DLGAP4: variants seen among roughly 807,000 people sequenced by gnomAD.
The protein encoded by DLGAP4 is DLG associated protein 4, also known as disks large-associated protein 4.
In DLGAP4, 18 loss-of-function variants were observed where a neutral mutation model predicts 86.9. The ratio of observed to expected loss-of-function variants is 0.21; its 90% CI spans 0.14 to 0.31. The LOEUF (loss-of-function observed/expected upper bound fraction) is 0.31. Ranked by LOEUF, DLGAP4 falls within the 10% of genes least tolerant of loss-of-function variation. The pLI, the probability that DLGAP4 is intolerant of heterozygous loss-of-function variation, is 1.00. For missense variants in DLGAP4, 1,085 were observed against 1,362.6 expected (o/e 0.80, Z 3.21); for synonymous variants, 548 against 574.3 (o/e 0.95, Z 0.65).
At chr20:36,311,231 G>T (rs2065050243) in intron 1 of DLGAP4, among the ~76,000 whole-genome samples, 1 of 145,218 alleles carries the variant, frequency 6.9e-6, no homozygotes, top group Non-Finnish European at 1.5e-5. Flanking sequence ...TCACTCGGAG[G>T]GTGGGGGGGG....
At chr20:36,497,410 G>C (rs1038512771) in intron 8 of DLGAP4, 109 of 1,143,428 alleles carry the variant, frequency 9.5e-5, no homozygotes, top group Middle Eastern at 7.7e-4. Context: ...GCTGACCCGT[G>C]GGAGGCGGGA....
At position 36,393,165 on chromosome 20, in the gene DLGAP4, G is replaced by A. The variant is rs1416946107; in HGVS notation, c.-73+25890G>A. On this transcript the variant is annotated intron_variant, in intron 2 of 12. Coordinates refer to ENST00000339266, the MANE Select transcript of DLGAP4 (RefSeq NM_001365621.2). The surrounding 1 kb of genome is among the most constrained non-coding windows in gnomAD (Gnocchi z 4.4). The stretch of plus-strand genomic sequence containing the variant: ...GAGACTAGGGTGGGACTGGAGAACT[G>A]GGAGTCATTAGGGCAGAAGGGGTGG... Among the ~76,000 whole-genome samples the A allele has an allele frequency of 6.6e-6, 1 of 152,020 alleles. No homozygotes were observed. The highest frequency in any genetic ancestry group is 2.4e-5 in the African/African-American group (1 of 41,384).
In DLGAP4 at chr20:36,442,723, G is replaced by A. The variant is rs377745326; in HGVS notation, c.1357-4G>A. On this transcript the variant is annotated splice_polypyrimidine_tract_variant and splice_region_variant and intron_variant, in intron 5 of 12. Transcript: ENST00000339266. ...CCATAACCCTCACCCTCTCTTTCCT[G>A]CAGATTTTTGGACAGGCCTCCCTGA... The A allele has an allele frequency of 4.3e-6, 7 of 1,614,098 alleles. No individual in the cohort carries two copies. The highest frequency in any genetic ancestry group is 1.6e-4 in the Middle Eastern group (1 of 6,062).
At chr20:36,399,786 C>T (rs983936105) in intron 2 of DLGAP4, among the ~76,000 whole-genome samples, 3 of 152,142 alleles carry the variant, frequency 2.0e-5, no homozygotes, top group East Asian at 1.9e-4. Context: ...GTGAGGTTTC[C>T]ATTAGTTATG....
intron 2 of DLGAP4, among the ~76,000 whole-genome samples, chr20:36,385,419 A>C (rs1241225389): frequency 6.6e-6 from 1 of 152,194 alleles, no homozygotes; most frequent in Non-Finnish European, 1.5e-5. Flanking sequence ...TAGTAGTAGA[A>C]ATAAGACCCA....
At chr20:36,340,440 G>T (rs1188427799) in intron 1 of DLGAP4, among the ~76,000 whole-genome samples, 1 of 152,062 alleles carries the variant, frequency 6.6e-6, no homozygotes, top group Non-Finnish European at 1.5e-5. Context: ...CACCCTCTCC[G>T]TGGCACATGT....
At chr20:36,524,448 G>C (rs2037577246) in intron 11 of DLGAP4, 107 bp downstream of exon 11, 2 of 908,996 alleles carry the variant, frequency 2.2e-6, no homozygotes, top group African/African-American at 1.7e-5. Flanking sequence ...AACACACACA[G>C]CGCGGCTTCC....
intron 2 of DLGAP4, among the ~76,000 whole-genome samples, chr20:36,416,646 A>C (rs2032662629): frequency 6.6e-6 from 1 of 152,070 alleles, no homozygotes; most frequent in African/African-American, 2.4e-5. Context: ...AGGAGGCCTT[A>C]CCCCCGACTT....
intron 2 of DLGAP4, among the ~76,000 whole-genome samples, chr20:36,379,186 A>G (rs62213227): frequency 3.0e-4 from 46 of 152,156 alleles, no homozygotes; most frequent in Admixed American, 7.2e-4. Context: ...CAAATGCTGG[A>G]TGGGTAAAGT....
At chr20:36,343,226 G>T (rs550189752) in intron 1 of DLGAP4, among the ~76,000 whole-genome samples, 1 of 152,322 alleles carries the variant, frequency 6.6e-6, no homozygotes. Flanking sequence ...GGGAGTCTGA[G>T]GAGACGGCTG....
rs2033362813 is a variant in DLGAP4 at position 36,438,791 on chromosome 20, C to T, written c.1242-963C>T. Among the ~76,000 whole-genome samples, 3 of 148,132 alleles carry T rather than the reference C, an allele frequency of 2.0e-5. No homozygotes were observed. In the South Asian group the frequency reaches 6.4e-4, roughly 32 times the overall value. Reference sequence around the variant, plus strand: ...TGGCACAAACTTGGTTCACTGTAACCTCCACCTCCCGGGTTCAAGCAATTC... The same window carrying T: ...TGGCACAAACTTGGTTCACTGTAACTTCCACCTCCCGGGTTCAAGCAATTC... On this transcript the variant is annotated intron_variant, in intron 4 of 12. Transcript: ENST00000339266.
chr20:36,493,375 T>G (rs1200372719), intron 7 of DLGAP4, among the ~76,000 whole-genome samples: 1 of 152,118 alleles, frequency 6.6e-6, no homozygotes, highest in Non-Finnish European at 1.5e-5. Flanking sequence ...CACCCATCCT[T>G]GAGGGAGAAG....
chr20:36,353,819 G>A (rs1555893635), intron 1 of DLGAP4, among the ~76,000 whole-genome samples: 1 of 152,272 alleles, frequency 6.6e-6, no homozygotes, highest in Non-Finnish European at 1.5e-5. Context: ...GGCCACACCT[G>A]CCAGGGGCTT....
intron 2 of DLGAP4, among the ~76,000 whole-genome samples, chr20:36,418,414 A>G (rs2032727573): frequency 6.6e-6 from 1 of 152,076 alleles, no homozygotes; most frequent in Middle Eastern, 3.2e-3. Flanking sequence ...TGCCTGGCCC[A>G]TTTGGGGTTT....
At position 36,497,312 on chromosome 20, in the gene DLGAP4, GT is replaced by G. The variant is rs2035930860; in HGVS notation, c.2010+247del. ...TCTGCTCCTCCAGTGGGTTGTCCCA[GT>G]GAATGTAGTTACACTCAGCCAGCCA... On this transcript the variant is annotated intron_variant, in intron 8 of 12. Transcript: ENST00000339266. The G allele has an allele frequency of 3.6e-6, 5 of 1,371,334 alleles. No individual in the cohort carries two copies. The South Asian group carries it at 8.3e-5, about 23-fold the overall frequency. 84.9% of individuals were successfully genotyped at this position (1,371,334 alleles called of 1,614,324 possible).
chr20:36,483,828 A>G (rs2147716722), intron 7 of DLGAP4, among the ~76,000 whole-genome samples: 1 of 152,382 alleles, frequency 6.6e-6, no homozygotes, highest in East Asian at 1.9e-4. Flanking sequence ...AGCGGTCACC[A>G]GGCCCCTGTC....
Position 36,508,504 on chromosome 20 carries a change from G to A in DLGAP4, c.2512+7893G>A, listed in dbSNP as rs187421647. On this transcript the variant is annotated intron_variant, in intron 10 of 12. Coordinates refer to ENST00000339266, the MANE Select transcript of DLGAP4 (RefSeq NM_001365621.2). ...TGCAATGGCGCGATCTCGGCTCACC[G>A]CAACCTCCACCTCCCGGGTTCAAGC... Among the ~76,000 whole-genome samples, 10 of 135,712 alleles carry A rather than the reference G, an allele frequency of 7.4e-5. No homozygotes were observed. The East Asian group carries it at 2.1e-3, about 29-fold the overall frequency. 89.0% of individuals were successfully genotyped at this position (135,712 alleles called of 152,430 possible). A position where few individuals can be genotyped will look rare whatever the true frequency, so the allele number is the denominator to read the frequency against.
chr20:36,508,942 C>T (rs1380788790), intron 10 of DLGAP4: 2 of 152,218 alleles, frequency 1.3e-5, no homozygotes, highest in African/African-American at 4.8e-5. Context: ...AGTATACTTA[C>T]TGATACTTGA....
At chr20:36,381,193 A>G (rs569738280) in intron 2 of DLGAP4, among the ~76,000 whole-genome samples, 2 of 152,190 alleles carry the variant, frequency 1.3e-5, no homozygotes, top group Non-Finnish European at 2.9e-5. Context: ...GCAAGCAAGC[A>G]TATATTGTGT....
Sources: allele counts gnomAD v4.1 joint callset (sites outside exome capture counted in the v4.1 genomes callset), GRCh38; gene constraint gnomAD v4.1.1; non-coding constraint Gnocchi (gnomAD v3.1); transcripts MANE v1.5; gene names NCBI Gene and HGNC (gene_info 2026-07-23, HGNC 2026-07-21).